The following MYO3B variants were observed in gnomAD, a reference collection of about 807,000 sequenced individuals.
MYO3B encodes the protein myosin IIIB, also known as myosin-IIIb.
A neutral mutation model predicts 174.6 loss-of-function variants in MYO3B; 156 were observed. The observed-to-expected ratio is 0.89, with a 90% CI of 0.78 to 1.02. The LOEUF (loss-of-function observed/expected upper bound fraction) is 1.02, where lower values mean the gene tolerates loss of function less well. Among genes scored for constraint, MYO3B ranks in the 50% least tolerant of loss-of-function variants. The probability of loss-of-function intolerance (pLI) is 0.00; values close to 1 mark genes in which losing one functional copy is unlikely to be tolerated. For missense variants in MYO3B, 1,632 were observed against 1,639.4 expected (o/e 1.00, Z 0.08); for synonymous variants, 563 against 569.1 (o/e 0.99, Z 0.15).
intron 7 of MYO3B, among the ~76,000 whole-genome samples, chr2:170,261,614 G>A (rs919445902): frequency 8.5e-5 from 13 of 152,188 alleles, no homozygotes; most frequent in East Asian, 7.7e-4. Flanking sequence ...CCCATGATAT[G>A]TGTGCTAAGT....
intron 23 of MYO3B, 125 bp downstream of exon 23, chr2:170,444,171 G>C (rs1028867067): frequency 3.1e-6 from 2 of 646,286 alleles, no homozygotes; most frequent in Non-Finnish European, 5.2e-6. Flanking sequence ...CTAGTAGAGA[G>C]ATTAAAGGCA....
intron 30 of MYO3B, among the ~76,000 whole-genome samples, chr2:170,531,658 A>G (rs1689360089): frequency 6.6e-6 from 1 of 152,204 alleles, no homozygotes; most frequent in Admixed American, 6.5e-5. Context: ...TTTTGTACTC[A>G]TTTTGAAGTC....
At chr2:170,629,203 T>C (rs1045596576) in intron 32 of MYO3B, among the ~76,000 whole-genome samples, 1 of 152,212 alleles carries the variant, frequency 6.6e-6, no homozygotes, top group Non-Finnish European at 1.5e-5. Flanking sequence ...TTTAAAATGA[T>C]CCAGATTCAA....
At chr2:170,433,203 G>A (rs1041409340) in intron 22 of MYO3B, among the ~76,000 whole-genome samples, 2 of 152,116 alleles carry the variant, frequency 1.3e-5, no homozygotes, top group Admixed American at 6.5e-5. Flanking sequence ...ACAGCAACAT[G>A]CTATACGGGT....
intron 7 of MYO3B, among the ~76,000 whole-genome samples, chr2:170,290,627 C>T (rs2093589540): frequency 6.6e-6 from 1 of 152,040 alleles, no homozygotes; most frequent in Admixed American, 6.5e-5. Context: ...TGTTTCTGTC[C>T]CTTCAGCCAC....
intron 7 of MYO3B, among the ~76,000 whole-genome samples, chr2:170,237,827 C>A (rs992168038): frequency 1.3e-5 from 2 of 152,102 alleles, no homozygotes; most frequent in African/African-American, 4.8e-5. Context: ...ACCTCCTGCC[C>A]TTTTAATGTC....
At position 170,320,188 on chromosome 2, in the gene MYO3B, C is replaced by T. The variant is rs139859727; in HGVS notation, c.750-15197C>T. ...CCAAGTAGCTGGGACTACAAGCATG[C>T]GCCACAATGCCCGGATAATTTATTT... On this transcript the variant is annotated intron_variant, in intron 7 of 34. Coordinates refer to ENST00000408978, the MANE Select transcript of MYO3B (RefSeq NM_138995.5). Among the ~76,000 whole-genome samples, 1,508 of 152,150 alleles carry T rather than the reference C, an allele frequency of 9.9e-3. 20 individuals carry two copies. The highest frequency in any genetic ancestry group is 0.033 in the African/African-American group (1,358 of 41,504).
chr2:170,624,519 G>A (rs547330983), intron 32 of MYO3B, among the ~76,000 whole-genome samples: 23 of 152,198 alleles, frequency 1.5e-4, no homozygotes, highest in South Asian at 6.2e-4. Context: ...AAACAGGGAC[G>A]ATTTGACTTC....
Position 170,351,691 on chromosome 2 carries a change from G to A in MYO3B, c.815+16241G>A, listed in dbSNP as rs1002936258. 6.6e-5 allele frequency among the ~76,000 whole-genome samples: 10 copies of A among 152,126 alleles called. No individual in the cohort carries two copies. In the South Asian group the frequency reaches 1.2e-3, roughly 19 times the overall value. On this transcript the variant is annotated intron_variant, in intron 8 of 34. Transcript: ENST00000408978. ...TCCTCCTCACCCTTTCAGTGAGCCT[G>A]CCAACTGAAATTTCAGAACACCTGA...
chr2:170,627,332 G>A (rs1696535679), intron 32 of MYO3B, among the ~76,000 whole-genome samples: 1 of 152,034 alleles, frequency 6.6e-6, no homozygotes. Flanking sequence ...CTTTCTTCCA[G>A]TTGATAGAAT....
At chr2:170,305,179 A>C (rs1326834657) in intron 7 of MYO3B, among the ~76,000 whole-genome samples, 2 of 152,208 alleles carry the variant, frequency 1.3e-5, no homozygotes, top group South Asian at 2.1e-4. Flanking sequence ...TTGTTTCAAC[A>C]CCAGGGGACA....
At chr2:170,372,133 AAAAAAAAAAAAAC>A (rs2094252231) in intron 9 of MYO3B, among the ~76,000 whole-genome samples, 2 of 142,730 alleles carry the variant, frequency 1.4e-5, no homozygotes, top group Non-Finnish European at 1.5e-5. Flanking sequence ...AAAAAAAAAA[AAAAAAAAAAAAAC>A]AACAACAACA....
At chr2:170,457,944 G>A (rs945896571) in intron 23 of MYO3B, among the ~76,000 whole-genome samples, 1 of 152,100 alleles carries the variant, frequency 6.6e-6, no homozygotes, top group African/African-American at 2.4e-5. Flanking sequence ...GGTAGAGACA[G>A]GGTTTCACTT....
At chr2:170,399,242 C>CA (rs71399532) in intron 16 of MYO3B, among the ~76,000 whole-genome samples, 1,339 of 15,344 alleles carry the variant, frequency 0.087, 160 homozygotes, top group Non-Finnish European at 0.12. Context: ...AATTCCGTCT[C>CA]AAAAAAAAAA....
chr2:170,211,484 G>C (rs2092769810), intron 3 of MYO3B, among the ~76,000 whole-genome samples: 1 of 152,190 alleles, frequency 6.6e-6, no homozygotes, highest in Non-Finnish European at 1.5e-5. Flanking sequence ...CCTCACTTAA[G>C]GTTATTATTT....
At chr2:170,312,508 G>C (rs1042356946) in intron 7 of MYO3B, among the ~76,000 whole-genome samples, 2 of 152,240 alleles carry the variant, frequency 1.3e-5, no homozygotes, top group Admixed American at 6.5e-5. Flanking sequence ...CCTAGGCAAG[G>C]GTTCTGACCC....
At chr2:170,234,170 CAAAAA>C (rs71006078) in intron 6 of MYO3B, among the ~76,000 whole-genome samples, 33 of 48,584 alleles carry the variant, frequency 6.8e-4, no homozygotes, top group Admixed American at 2.9e-3. Flanking sequence ...GACTCCGTCT[CAAAAA>C]AAAAAAAAAA....
chr2:170,239,187 G>A (rs902871917), intron 7 of MYO3B, among the ~76,000 whole-genome samples: 2 of 152,214 alleles, frequency 1.3e-5, no homozygotes, highest in Non-Finnish European at 2.9e-5. Flanking sequence ...TGTCTCTCAT[G>A]ACTCTTTACT....
chr2:170,463,448 A>G lies in MYO3B; in HGVS notation c.2808+3A>G, dbSNP rs761957123. 1.5e-5 allele frequency: 25 copies of G among 1,613,528 alleles called. 1 individual carries two copies. In the Middle Eastern group the frequency reaches 6.6e-4, roughly 42 times the overall value. On this transcript the variant is annotated splice_donor_region_variant and intron_variant, in intron 24 of 34. Transcript: ENST00000408978. ...AAACTGTGGCTTCTTACTTCCGGGT[A>G]TGGAGTCTTCTTGATCTCTATTCTG...
Sources: allele counts gnomAD v4.1 joint callset (sites outside exome capture counted in the v4.1 genomes callset), GRCh38; gene constraint gnomAD v4.1.1; transcripts MANE v1.5; gene names NCBI Gene and HGNC (gene_info 2026-07-23, HGNC 2026-07-21).